The following CELF2 variants were observed in gnomAD, a reference collection of about 807,000 sequenced individuals.
CELF2 encodes CUGBP Elav-like family member 2, also known as CUG triplet repeat RNA-binding protein 2.
CELF2 carries 8 observed loss-of-function variants against 62.6 expected under a neutral mutation model. The observed-to-expected ratio is 0.13, with a 90% confidence interval of 0.07 to 0.23. The LOEUF (loss-of-function observed/expected upper bound fraction) is 0.23. Among genes scored for constraint, CELF2 ranks in the 10% least tolerant of loss-of-function variants. CELF2 has a pLI of 1.00. For synonymous variants in CELF2, 258 were observed against 250.0 expected (o/e 1.03, Z -0.30); for missense variants, 333 against 671.0 (o/e 0.50, Z 5.56).
At chr10:10,969,574 A>G (rs571283463) in intron 2 of CELF2, among the ~76,000 whole-genome samples, 15 of 152,112 alleles carry the variant, frequency 9.9e-5, no homozygotes, top group South Asian at 4.2e-4. Flanking sequence ...CCCTGTTTCT[A>G]TCTCCTTCTC....
chr10:11,230,130 C>T (rs1037130239), intron 3 of CELF2, among the ~76,000 whole-genome samples: 5 of 152,272 alleles, frequency 3.3e-5, no homozygotes, highest in African/African-American at 1.2e-4. Context: ...GTTAGAAGTG[C>T]AGCCTTGCAG....
intron 1 of CELF2, chr10:11,018,739 C>CGAGTGTGCACGCTTGT (rs1160692419): frequency 7.2e-5 from 11 of 153,134 alleles, no homozygotes; most frequent in Non-Finnish European, 1.6e-4. Flanking sequence ...TGCGCGCGTG[C>CGAGTGTGCACGCTTGT]GAGTGTGCAC....
intron 2 of CELF2, among the ~76,000 whole-genome samples, chr10:10,994,353 T>G (rs1379664705): frequency 6.6e-6 from 1 of 152,224 alleles, no homozygotes; most frequent in Admixed American, 6.5e-5. Flanking sequence ...CATTGATGTA[T>G]TCAGAGAGGA....
At chr10:10,822,895 T>C (rs902588509) in intron 1 of CELF2, among the ~76,000 whole-genome samples, 1 of 152,226 alleles carries the variant, frequency 6.6e-6, no homozygotes, top group Non-Finnish European at 1.5e-5. Context: ...GACTAATGCA[T>C]TCCAAAGAAT....
chr10:10,506,895 C>G, the CELF2 span, among the ~76,000 whole-genome samples: 2 of 151,656 alleles, frequency 1.3e-5, no homozygotes, highest in African/African-American at 2.4e-5. Context: ...AAACTCCTGA[C>G]CTAAAGTGAT....
chr10:11,138,810 A>G (rs2060843954), intron 1 of CELF2, among the ~76,000 whole-genome samples: 1 of 152,196 alleles, frequency 6.6e-6, no homozygotes, highest in South Asian at 2.1e-4. Flanking sequence ...ATAATGATGT[A>G]AGATGGAACC....
chr10:11,201,631 G>A (rs1443979803), intron 2 of CELF2, among the ~76,000 whole-genome samples: 1 of 152,206 alleles, frequency 6.6e-6, no homozygotes, highest in Non-Finnish European at 1.5e-5. Context: ...CCTGAGGAAG[G>A]AGAGGATGGA....
chr10:10,820,220 T>G (rs1472889707), intron 1 of CELF2, among the ~76,000 whole-genome samples: 1 of 152,188 alleles, frequency 6.6e-6, no homozygotes, highest in Non-Finnish European at 1.5e-5. Flanking sequence ...CTTTTTGTTC[T>G]CAGTTTCGGG....
intron 1 of CELF2, among the ~76,000 whole-genome samples, chr10:11,142,410 C>A (rs1207632817): frequency 6.6e-6 from 1 of 151,908 alleles, no homozygotes. Flanking sequence ...CTGGGCTGGG[C>A]GCGGTGGCTC....
intron 1 of CELF2, among the ~76,000 whole-genome samples, chr10:10,904,685 GC>G (rs1564796691): frequency 6.6e-6 from 1 of 152,178 alleles, no homozygotes; most frequent in Non-Finnish European, 1.5e-5. Context: ...ATGCCCATGC[GC>G]CTGCCTCTGG....
At chr10:11,198,117 C>T (rs1295787634) in intron 2 of CELF2, among the ~76,000 whole-genome samples, 1 of 152,202 alleles carries the variant, frequency 6.6e-6, no homozygotes, top group Non-Finnish European at 1.5e-5. Flanking sequence ...CCCACTGGTA[C>T]ACATGAAATA....
At chr10:11,056,212 C>A (rs1040338133) in intron 1 of CELF2, among the ~76,000 whole-genome samples, 2 of 152,176 alleles carry the variant, frequency 1.3e-5, no homozygotes, top group African/African-American at 4.8e-5. Context: ...CATAATCATT[C>A]TAATAATTCA....
rs916066649 is a variant in CELF2, at chr10:11,300,084, G to A, written c.976+11532G>A. Among the ~76,000 whole-genome samples, 2 of 152,126 alleles carry A rather than the reference G, an allele frequency of 1.3e-5. No individual in the cohort carries two copies. The highest frequency in any genetic ancestry group is 2.9e-5 in the Non-Finnish European group (2 of 68,026). The stretch of plus-strand genomic sequence containing the variant: ...TGGGGAAGATGCTAAAAATTAGGCC[G>A]GGTAGGGAGGCACCCTGGTTTATTG... On this transcript the variant is annotated intron_variant, in intron 9 of 12. Transcript: ENST00000633077. This position sits in a 1 kb window ranked among gnomAD's most constrained non-coding sequence, Gnocchi z 5.5.
Position 11,297,804 on chromosome 10 carries a change from A to AAC in CELF2, c.976+9253_976+9254dup, listed in dbSNP as rs2093343869. Among the ~76,000 whole-genome samples, 2 of 152,136 alleles carry AAC rather than the reference A, an allele frequency of 1.3e-5. No homozygotes were observed. Among genetic ancestry groups the AAC allele is most frequent in the Admixed American group, 1.3e-4 (2 of 15,280 alleles). ...GAGACCAGCCTGGCCAACATGGTGA[A>AAC]ACCCTGTCTATACTAAAAATACAAA... On this transcript the variant is annotated intron_variant, in intron 9 of 12. Transcript: ENST00000633077. This position sits in a 1 kb window ranked among gnomAD's most constrained non-coding sequence, Gnocchi z 4.4.
the CELF2 span, among the ~76,000 whole-genome samples, chr10:10,465,795 C>A: frequency 1.3e-5 from 2 of 152,012 alleles, no homozygotes; most frequent in Non-Finnish European, 2.9e-5. Context: ...CGGGCTTGTC[C>A]ACCTGTGGTT....
the CELF2 span, among the ~76,000 whole-genome samples, chr10:10,759,916 G>GT: frequency 2.9e-4 from 43 of 150,796 alleles, no homozygotes; most frequent in African/African-American, 1.0e-3. Flanking sequence ...CTTTTTTTTT[G>GT]TTTTTTGAGA....
In CELF2 at chr10:11,331,342, A is replaced by AG. The variant is rs905588010; in HGVS notation, c.*2292dup. ...GTTTGCTTAAAAAAAATTTCATGTG[A>AG]GGGAAAAAAAAAAAACCTATTCCAG... On this transcript the variant is annotated 3_prime_UTR_variant, in exon 13 of 13. Transcript: ENST00000633077. 15 of 149,252 alleles carry AG rather than the reference A, an allele frequency of 1.0e-4. No individual in the cohort carries two copies. Among genetic ancestry groups the AG allele is most frequent in the African/African-American group, 2.7e-4 (11 of 40,626 alleles). 9.2% of individuals were successfully genotyped at this position (149,252 alleles called of 1,614,324 possible). A position where few individuals can be genotyped will look rare whatever the true frequency, so the allele number is the denominator to read the frequency against.
intron 1 of CELF2, among the ~76,000 whole-genome samples, chr10:11,007,829 C>T (rs777429729): frequency 1.6e-4 from 24 of 152,122 alleles, no homozygotes; most frequent in Admixed American, 2.6e-4. Context: ...CTTAAAGAAA[C>T]GACGTGGAAA....
the CELF2 span, among the ~76,000 whole-genome samples, chr10:10,553,655 CAA>C: frequency 1.3e-5 from 2 of 152,102 alleles, no homozygotes; most frequent in Admixed American, 1.3e-4. Flanking sequence ...TCAGGGAAGT[CAA>C]AGAGGTCTTT....
Sources: gnomAD v4.1 joint callset for allele counts (sites outside exome capture counted in the v4.1 genomes callset) on GRCh38, gnomAD v4.1.1 for gene constraint, Gnocchi (gnomAD v3.1) non-coding constraint, MANE v1.5 for transcripts, NCBI Gene and HGNC (gene_info 2026-07-23, HGNC 2026-07-21) for gene names.